The following TCF25 variants were observed in gnomAD, a reference collection of about 807,000 sequenced individuals.
TCF25 encodes the protein ribosome quality control complex subunit TCF25.
A neutral mutation model predicts 83.1 loss-of-function variants in TCF25; 41 were observed. The ratio of observed to expected loss-of-function variants is 0.49; its 90% CI spans 0.38 to 0.64. The LOEUF (loss-of-function observed/expected upper bound fraction) is 0.64, where lower values mean the gene tolerates loss of function less well. TCF25 is among the 30% of genes least tolerant of loss of function. TCF25 has a pLI of 0.00. For synonymous variants in TCF25, 458 were observed against 365.0 expected (o/e 1.25, Z -2.90); for missense variants, 979 against 914.5 (o/e 1.07, Z -0.91).
intron 12 of TCF25, among the ~76,000 whole-genome samples, chr16:89,903,042 C>T (rs1232513006): frequency 6.6e-6 from 1 of 152,230 alleles, no homozygotes; most frequent in Non-Finnish European, 1.5e-5. Context: ...GTCTAAGAAG[C>T]ACCTTTGTCC....
chr16:89,902,729 G>A lies in TCF25; in HGVS notation c.1382-1389G>A, dbSNP rs1474155609. On this transcript the variant is annotated intron_variant, in intron 12 of 17. Coordinates refer to ENST00000263346, the MANE Select transcript of TCF25 (RefSeq NM_014972.3). ...AAAAAAAAGACGGGCCTCCTCCGAG[G>A]GGCTGTGAGGGGTGAGGGTGAAATC... Among the ~76,000 whole-genome samples the A allele has an allele frequency of 3.3e-5, 5 of 151,476 alleles. No homozygotes were observed. In the South Asian group the frequency reaches 8.3e-4, roughly 25 times the overall value.
intron 5 of TCF25, among the ~76,000 whole-genome samples, 177 bp downstream of exon 5, chr16:89,887,894 C>G (rs2043136691): frequency 6.6e-6 from 1 of 152,162 alleles, no homozygotes; most frequent in Non-Finnish European, 1.5e-5. Context: ...CTGTGTATAA[C>G]CTTGTCTGTG....
Position 89,873,676 on chromosome 16 carries a change from C to T in TCF25, c.9C>T (p.Arg3=). 2 of 1,586,448 alleles carry T rather than the reference C, an allele frequency of 1.3e-6. No individual in the cohort carries two copies. Among genetic ancestry groups the T allele is most frequent in the East Asian group, 2.3e-5 (1 of 43,666 alleles). Residue 3 remains arginine (R), a synonymous_variant, in exon 1 of 18, where the codon CGC becomes CGT. Transcript: ENST00000263346. Reference sequence around the variant, plus strand: ...CGTGGTCGTTCGGTCCTATGTCGCGCCGGGCCCTCCGGAGGCTGAGGGGGG... The same window carrying T: ...CGTGGTCGTTCGGTCCTATGTCGCGTCGGGCCCTCCGGAGGCTGAGGGGGG... The part of the protein sequence containing the change: MS[R]RALRRLRGEQ...
At position 89,896,498 on chromosome 16, in the gene TCF25, AG is replaced by A. The variant is rs1450218528; in HGVS notation, c.1022+417del. 4.6e-5 allele frequency among the ~76,000 whole-genome samples: 7 copies of A among 151,112 alleles called. No homozygotes were observed. In the East Asian group the frequency reaches 1.4e-3, roughly 29 times the overall value. The stretch of plus-strand genomic sequence containing the variant: ...CGAGGTGGGAGGGTTGCTTGAGCCC[AG>A]GTGTCAAGACCAGTCTGAGCACCGT... On this transcript the variant is annotated intron_variant, in intron 9 of 17. Transcript: ENST00000263346.
At chr16:89,884,786 C>G in intron 3 of TCF25, 130 bp downstream of exon 3, 2 of 749,594 alleles carry the variant, frequency 2.7e-6, no homozygotes, top group Non-Finnish European at 4.0e-6. Context: ...CTGACGCCCT[C>G]TCCCTCTGCC....
At position 89,900,775 on chromosome 16, in the gene TCF25, G is replaced by A. The variant is rs756094390; in HGVS notation, c.1362G>A (p.Ala454=). The A allele has an allele frequency of 1.3e-5, 20 of 1,584,640 alleles. No individual in the cohort carries two copies. Among genetic ancestry groups the A allele is most frequent in the African/African-American group, 2.7e-5 (2 of 74,478 alleles). The stretch of plus-strand genomic sequence containing the variant: ...AGGCCTCTCTCCTGATACAGCAGGC[G>A]CTCACCATGTTCCCTGGAGGTGAGT... The part of the protein sequence containing the change: ...RQKASLLIQQ[A]LTMFPGVLLP... Residue 454 remains alanine (A), a synonymous_variant, in exon 12 of 18, where the codon GCG becomes GCA. Transcript: ENST00000263346.
At position 89,884,651 on chromosome 16, in the gene TCF25, G is replaced by T. The variant is rs1216961100; in HGVS notation, c.424G>T (p.Ala142Ser). 4 of 1,612,176 alleles carry T rather than the reference G, an allele frequency of 2.5e-6. No individual in the cohort carries two copies. The highest frequency in any genetic ancestry group is 3.4e-6 in the Non-Finnish European group (4 of 1,178,888). ...AAACAAGAAAAGCAGCACGGGAGAA[G>T]CATCGGTACGTGAGTTGGGCCTGGC... is the stretch of plus-strand genomic sequence containing the variant. ...QKNKKSSTGE[A>S]SENGLEDIDR... is the part of the protein sequence containing the mutation. The change falls in exon 3 of 18, where the codon GCA (alanine) becomes TCA (serine). Residue 142 changes from alanine to serine, a missense_variant. By Grantham distance (99) the Ala-to-Ser change is moderately conservative. Coordinates refer to ENST00000263346, the MANE Select transcript of TCF25 (RefSeq NM_014972.3).
At position 89,893,708 on chromosome 16, in the gene TCF25, T is replaced by C; in HGVS notation, c.698-20T>C. The C allele has an allele frequency of 6.2e-7, 1 of 1,613,402 alleles. No individual in the cohort carries two copies. Among genetic ancestry groups the C allele is most frequent in the Non-Finnish European group, 8.5e-7 (1 of 1,179,902 alleles). On this transcript the variant is annotated intron_variant, in intron 6 of 17. Transcript: ENST00000263346. ...GTCCCTGCTCCCGGCACACCCTCCCTGAGCACTCTCCCCTCCCAGGTCTGT... is the reference window on the plus strand; with the variant it reads ...GTCCCTGCTCCCGGCACACCCTCCCCGAGCACTCTCCCCTCCCAGGTCTGT...
chr16:89,888,023 T>G (rs1039625704), intron 5 of TCF25, among the ~76,000 whole-genome samples: 2 of 152,092 alleles, frequency 1.3e-5, no homozygotes, highest in Admixed American at 1.3e-4. Flanking sequence ...CCCAGCACTT[T>G]GGGAGGCTGA....
rs1206193709 is a variant in TCF25, at chr16:89,907,327, C to T, written c.1799+5C>T. The T allele has an allele frequency of 1.9e-6, 3 of 1,607,466 alleles. No individual in the cohort carries two copies. The highest frequency in any genetic ancestry group is 2.2e-5 in the East Asian group (1 of 44,836). ...CTCCTACGTCAGGCCAGAGAGGTAC[C>T]TCCCTCCTTCCAGTTCCCACCTCCC... is the stretch of plus-strand genomic sequence containing the variant. On this transcript the variant is annotated splice_donor_5th_base_variant and intron_variant, in intron 16 of 17. Transcript: ENST00000263346.
intron 12 of TCF25, among the ~76,000 whole-genome samples, chr16:89,903,387 C>G (rs2044506204): frequency 1.3e-5 from 2 of 152,248 alleles, no homozygotes; most frequent in Admixed American, 1.3e-4. Flanking sequence ...AAACATCCAA[C>G]CGGCCGGGCA....
At chr16:89,897,881 C>T (rs564499447) in intron 9 of TCF25, among the ~76,000 whole-genome samples, 225 of 152,200 alleles carry the variant, frequency 1.5e-3, no homozygotes, top group African/African-American at 5.1e-3. Context: ...TTTGGGAGAC[C>T]GAGGCAGGTG....
In TCF25 at chr16:89,892,158, G is replaced by C. The variant is rs753431568; in HGVS notation, c.615-35G>C. The stretch of plus-strand genomic sequence containing the variant: ...AAGCCTTGGTCCCCACACGCCACAG[G>C]AAGTAAAGCTGTACCTGTGTCCCGT... On this transcript the variant is annotated intron_variant, in intron 5 of 17. Coordinates refer to ENST00000263346, the MANE Select transcript of TCF25 (RefSeq NM_014972.3). 3.8e-5 allele frequency: 59 copies of C among 1,564,508 alleles called. No homozygotes were observed. The South Asian group carries it at 6.6e-4, about 17-fold the overall frequency.
rs2043364787 is a variant in TCF25, at chr16:89,890,755, AATT to A, written c.615-1433_615-1431del. On this transcript the variant is annotated intron_variant, in intron 5 of 17. Transcript: ENST00000263346. The stretch of plus-strand genomic sequence containing the variant: ...GCATGGTTTTATTTCTGCAAATTAT[AATT>A]ATTAATAGTAATTAGTATTATAACT... 3 of 152,234 alleles carry A rather than the reference AATT, an allele frequency of 2.0e-5. No homozygotes were observed. In the South Asian group the frequency reaches 6.2e-4, roughly 32 times the overall value. 9.4% of individuals were successfully genotyped at this position (152,234 alleles called of 1,614,324 possible). A position where few individuals can be genotyped will look rare whatever the true frequency, so the allele number is the denominator to read the frequency against.
chr16:89,878,370 G>A, intron 1 of TCF25: 1 of 1,148,452 alleles, frequency 8.7e-7, no homozygotes, highest in Non-Finnish European at 1.1e-6. Flanking sequence ...TGGACCACCT[G>A]AGGTCAGGAG....
At chr16:89,905,497 T>C (rs1212997703) in intron 14 of TCF25, among the ~76,000 whole-genome samples, 3 of 152,246 alleles carry the variant, frequency 2.0e-5, no homozygotes, top group Non-Finnish European at 4.4e-5. Context: ...CCTAATATGC[T>C]GCAACTGACA....
chr16:89,900,546 G>C (rs1269442714), intron 11 of TCF25, 89 bp from the exon 12 acceptor site: 4 of 1,439,550 alleles, frequency 2.8e-6, no homozygotes, highest in Non-Finnish European at 3.8e-6. Context: ...TCGGGGTAGG[G>C]CTCACTGGTG....
chr16:89,880,357 G>A (rs535618843), intron 1 of TCF25, among the ~76,000 whole-genome samples: 21 of 152,376 alleles, frequency 1.4e-4, no homozygotes, highest in African/African-American at 4.8e-4. Context: ...TCTGAGGCGG[G>A]CAGATCACCT....
In TCF25 at chr16:89,907,289, C is replaced by G. The variant is rs368988796; in HGVS notation, c.1766C>G (p.Ser589Trp). The G allele has an allele frequency of 1.2e-6, 2 of 1,612,714 alleles. No homozygotes were observed. Among genetic ancestry groups the G allele is most frequent in the Non-Finnish European group, 1.7e-6 (2 of 1,179,396 alleles). The change falls in exon 16 of 18, where the codon TCG becomes TGG. Residue 589 changes from serine to tryptophan, a missense_variant. Transcript: ENST00000263346. Reference sequence around the variant, plus strand: ...ATGGGGTTTGATCCTCTGCCTCCTTCGGACACAATCTACTCCTACGTCAGG... The same window carrying G: ...ATGGGGTTTGATCCTCTGCCTCCTTGGGACACAATCTACTCCTACGTCAGG... ...SVMGFDPLPP[S>W]DTIYSYVRPE...
Sources: allele counts gnomAD v4.1 joint callset (sites outside exome capture counted in the v4.1 genomes callset), GRCh38; gene constraint gnomAD v4.1.1; transcripts MANE v1.5; gene names NCBI Gene and HGNC (gene_info 2026-07-23, HGNC 2026-07-21).